Variants in SAXO4 observed in about 807,000 individuals in gnomAD.
The protein encoded by SAXO4 is stabilizer of axonemal microtubules 4.
the SAXO4 span, among the ~76,000 whole-genome samples, chr11:61,485,056 C>T: frequency 2.0e-5 from 3 of 152,208 alleles, no homozygotes; most frequent in Non-Finnish European, 4.4e-5. Flanking sequence ...TCCTCCTGCT[C>T]ACGGCCCCTC....
the SAXO4 span, chr11:61,486,018 C>A: frequency 1.2e-6 from 1 of 801,442 alleles, no homozygotes; most frequent in Non-Finnish European, 2.0e-6. Flanking sequence ...TTTGTTCAAA[C>A]ACAAGACGAA....
At chr11:61,482,527 G>C in the SAXO4 span, 3 of 1,559,440 alleles carry the variant, frequency 1.9e-6, no homozygotes, top group Non-Finnish European at 2.6e-6. Flanking sequence ...CCCTAGGCTG[G>C]GGGTCCTGGG....
chr11:61,490,079 C>G, the SAXO4 span: 2 of 884,376 alleles, frequency 2.3e-6, no homozygotes, highest in East Asian at 5.3e-5. Context: ...CTGGCTGGCT[C>G]TGGTGTCCCT....
At chr11:61,489,626 T>C in the SAXO4 span, 17 of 722,008 alleles carry the variant, frequency 2.4e-5, no homozygotes, top group Admixed American at 3.8e-4. Context: ...GAGTAAGAGT[T>C]CCCCCAGTGG....
chr11:61,486,951 C>T, the SAXO4 span: 2 of 1,613,498 alleles, frequency 1.2e-6, no homozygotes, highest in Non-Finnish European at 1.7e-6. Context: ...CCTGCAGGTG[C>T]CCCCTCCCTG....
At chr11:61,482,450 C>T in the SAXO4 span, 2 of 1,600,138 alleles carry the variant, frequency 1.2e-6, no homozygotes, top group East Asian at 4.5e-5. Flanking sequence ...ATGGCCCCTT[C>T]CCAGCCCCTG....
chr11:61,490,569 G>A, the SAXO4 span: 1 of 1,613,812 alleles, frequency 6.2e-7, no homozygotes, highest in Non-Finnish European at 8.5e-7. Flanking sequence ...GCACACAGCT[G>A]AGCCCTGAGC....
the SAXO4 span, chr11:61,482,724 C>A: frequency 1.2e-6 from 2 of 1,614,000 alleles, no homozygotes; most frequent in African/African-American, 1.3e-5. Context: ...TGCCTGACGG[C>A]AAGCATCCCC....
At chr11:61,482,834 A>G in the SAXO4 span, 2 of 1,572,534 alleles carry the variant, frequency 1.3e-6, no homozygotes, top group Non-Finnish European at 1.7e-6. Context: ...GGGCCAGGAG[A>G]GGGAAGCCTC....
chr11:61,488,036 G>T, the SAXO4 span, among the ~76,000 whole-genome samples: 1 of 151,324 alleles, frequency 6.6e-6, no homozygotes, highest in Non-Finnish European at 1.5e-5. Flanking sequence ...GCCCAGGCTG[G>T]AGTGCAATGG....
the SAXO4 span, among the ~76,000 whole-genome samples, chr11:61,488,078 A>C: frequency 0.053 from 7,727 of 145,384 alleles, 542 homozygotes; most frequent in African/African-American, 0.17. Flanking sequence ...CCTTCGCCTC[A>C]TGGGTTCAAG....
the SAXO4 span, among the ~76,000 whole-genome samples, chr11:61,484,180 T>C: frequency 3.9e-5 from 6 of 152,174 alleles, no homozygotes; most frequent in African/African-American, 1.4e-4. Context: ...GAGGTGGAGT[T>C]TGCAGGAAGC....
chr11:61,483,128 A>G, the SAXO4 span, among the ~76,000 whole-genome samples: 5 of 145,006 alleles, frequency 3.4e-5, no homozygotes, highest in Non-Finnish European at 7.6e-5. Context: ...TCCCCCCACC[A>G]TGGACATCCT....
At chr11:61,486,357 G>T in the SAXO4 span, 10 of 1,613,926 alleles carry the variant, frequency 6.2e-6, no homozygotes, top group Non-Finnish European at 8.5e-6. Context: ...CTCCTCCCAG[G>T]CCAGAGTGTC....
the SAXO4 span, chr11:61,490,727 C>T: frequency 2.9e-6 from 2 of 693,020 alleles, no homozygotes; most frequent in East Asian, 2.7e-5. Context: ...ATCAGGGGGC[C>T]TCTCAGAACC....
chr11:61,485,284 C>T, the SAXO4 span: 1 of 1,540,676 alleles, frequency 6.5e-7, no homozygotes, highest in Non-Finnish European at 8.9e-7. Context: ...CCGCCACACG[C>T]CTTCGGGGCC....
chr11:61,482,749 C>T, the SAXO4 span: 13 of 1,613,824 alleles, frequency 8.1e-6, no homozygotes, highest in African/African-American at 4.0e-5. Context: ...CTGGAGCATG[C>T]GCCAGACCAG....
At chr11:61,489,054 T>C in the SAXO4 span, 1 of 152,268 alleles carries the variant, frequency 6.6e-6, no homozygotes, top group Non-Finnish European at 1.5e-5. Context: ...TGTTGTCCTC[T>C]GGCCTAAACC....
the SAXO4 span, chr11:61,489,492 A>G: frequency 1.7e-6 from 1 of 575,146 alleles, no homozygotes; most frequent in Non-Finnish European, 3.1e-6. Flanking sequence ...TGCCTAGAGA[A>G]GTGGATGAGA....
Sources: allele counts gnomAD v4.1 joint callset (sites outside exome capture counted in the v4.1 genomes callset), GRCh38; gene constraint gnomAD v4.1.1; transcripts MANE v1.5; gene names NCBI Gene and HGNC (gene_info 2026-07-23, HGNC 2026-07-21).